Variants in CDK5 observed in about 807,000 individuals in gnomAD.
CDK5 encodes the protein cyclin dependent kinase 5.
In CDK5, 18 loss-of-function variants were observed where a neutral mutation model predicts 44.6. The observed-to-expected ratio is 0.40, with a 90% CI of 0.28 to 0.60. The LOEUF is 0.60. Among genes scored for constraint, CDK5 ranks in the 20% least tolerant of loss-of-function variants. The probability of loss-of-function intolerance (pLI) is 0.38; values close to 1 mark genes in which losing one functional copy is unlikely to be tolerated. For missense variants in CDK5, 198 were observed against 368.1 expected (o/e 0.54, Z 3.78); for synonymous variants, 143 against 152.8 (o/e 0.94, Z 0.47).
At position 151,056,689 on chromosome 7, in the gene CDK5, C is replaced by T; in HGVS notation, c.255+47G>A. On this transcript the variant is annotated intron_variant, in intron 4 of 11. Coordinates refer to ENST00000485972, the MANE Select transcript of CDK5 (RefSeq NM_004935.4). This position sits in a 1 kb window ranked among gnomAD's most constrained non-coding sequence, Gnocchi z 4.7. ...GGACAGAGTTTAACCTCAATCTGGG[C>T]CCCTATACCTTCCCAAGGCTACTGT... is the stretch of plus-strand genomic sequence containing the variant. 7.4e-6 allele frequency: 12 copies of T among 1,611,146 alleles called. No individual in the cohort carries two copies. Among genetic ancestry groups the T allele is most frequent in the Non-Finnish European group, 8.5e-6 (10 of 1,178,366 alleles).
At position 151,057,314 on chromosome 7, in the gene CDK5, G is replaced by A; in HGVS notation, c.38-154C>T. 2.8e-6 allele frequency: 2 copies of A among 708,664 alleles called. No individual in the cohort carries two copies. Among genetic ancestry groups the A allele is most frequent in the Non-Finnish European group, 5.1e-6 (2 of 392,122 alleles). 43.9% of individuals were successfully genotyped at this position (708,664 alleles called of 1,614,324 possible). A position where few individuals can be genotyped will look rare whatever the true frequency, so the allele number is the denominator to read the frequency against. Reference sequence around the variant, plus strand: ...GGTGAGCTTTGTGAGTGAGGATGTGGCAGGTGGGGAGGGAGGAGAAGGTGC... The same window carrying A: ...GGTGAGCTTTGTGAGTGAGGATGTGACAGGTGGGGAGGGAGGAGAAGGTGC... On this transcript the variant is annotated intron_variant, in intron 1 of 11. Coordinates refer to ENST00000485972, the MANE Select transcript of CDK5 (RefSeq NM_004935.4). The surrounding 1 kb of genome is among the most constrained non-coding windows in gnomAD (Gnocchi z 5.2).
Position 151,055,102 on chromosome 7 carries a change from G to A in CDK5, c.581-6C>T. The A allele has an allele frequency of 1.2e-6, 2 of 1,610,274 alleles. No homozygotes were observed. The highest frequency in any genetic ancestry group is 1.7e-6 in the Non-Finnish European group (2 of 1,178,052). Reference sequence around the variant, plus strand: ...CCGCCCAGCATTGGCCAGCTCTGGGGGATAGACAGGGGGCTAAGATGTGAC... The same window carrying A: ...CCGCCCAGCATTGGCCAGCTCTGGGAGATAGACAGGGGGCTAAGATGTGAC... On this transcript the variant is annotated splice_polypyrimidine_tract_variant and splice_region_variant and intron_variant, in intron 8 of 11. Transcript: ENST00000485972.
Position 151,057,599 on chromosome 7 carries a change from G to T in CDK5, c.37+213C>A. ...TCGCGGTTGGGAGGTCGGGTCTACT[G>T]GGAACGCTAAGGTTGGAGTGAGAGC... On this transcript the variant is annotated intron_variant, in intron 1 of 11. Coordinates refer to ENST00000485972, the MANE Select transcript of CDK5 (RefSeq NM_004935.4). The surrounding 1 kb of genome is among the most constrained non-coding windows in gnomAD (Gnocchi z 5.2). 1.5e-6 allele frequency: 1 copy of T among 657,404 alleles called. No individual in the cohort carries two copies. Among genetic ancestry groups the T allele is most frequent in the Non-Finnish European group, 2.7e-6 (1 of 369,508 alleles). The allele number at this position is 657,404 out of a possible 1,614,324, so 40.7% of individuals were successfully genotyped here.
chr7:151,054,141 C>G lies in CDK5; in HGVS notation c.793-46G>C. 6.3e-7 allele frequency: 1 copy of G among 1,587,234 alleles called. No individual in the cohort carries two copies. The highest frequency in any genetic ancestry group is 8.6e-7 in the Non-Finnish European group (1 of 1,165,324). On this transcript the variant is annotated intron_variant, in intron 11 of 11. Coordinates refer to ENST00000485972, the MANE Select transcript of CDK5 (RefSeq NM_004935.4). This position sits in a 1 kb window ranked among gnomAD's most constrained non-coding sequence, Gnocchi z 5.7. ...GTGGCAGGTTCAGGACAGGTCACTG[C>G]CCAGAGCCCTGCCTTCCTGTAGTCC...
rs1796881465 is a variant in CDK5, at chr7:151,055,726, A to T, written c.408+27T>A. 3 of 1,579,156 alleles carry T rather than the reference A, an allele frequency of 1.9e-6. No homozygotes were observed. The East Asian group carries it at 6.8e-5, about 36-fold the overall frequency. ...CCCGTGCCCTGGCCCCAGCCTCTCC[A>T]TTCCCCACCTTCTTCCCAAGAAGTA... On this transcript the variant is annotated intron_variant, in intron 6 of 11. Coordinates refer to ENST00000485972, the MANE Select transcript of CDK5 (RefSeq NM_004935.4).
chr7:151,055,553 G>T lies in CDK5; in HGVS notation c.462C>A (p.Pro154=). 6.2e-7 allele frequency: 1 copy of T among 1,613,770 alleles called. No individual in the cohort carries two copies. Among genetic ancestry groups the T allele is most frequent in the Non-Finnish European group, 8.5e-7 (1 of 1,179,832 alleles). ...TCACCTCAGCTGAGTAACAGCGGAC[G>T]GGAATCCCAAAGGCTCGAGCCAGGC... ...DFGLARAFGI[P]VRCYSAEVVT... The change falls in exon 7 of 12, where the codon CCC becomes CCA. Residue 154 remains proline (P), a synonymous_variant. Transcript: ENST00000485972.
At position 151,057,722 on chromosome 7, in the gene CDK5, G is replaced by A. The variant is rs890536308; in HGVS notation, c.37+90C>T. On this transcript the variant is annotated intron_variant, in intron 1 of 11. Coordinates refer to ENST00000485972, the MANE Select transcript of CDK5 (RefSeq NM_004935.4). This position sits in a 1 kb window ranked among gnomAD's most constrained non-coding sequence, Gnocchi z 5.2. ...CCGCTGCTGAGATCGGAGCCTGTAG[G>A]CATTGCTGACGGTAAGGGAGCCAGG... 2.2e-6 allele frequency: 3 copies of A among 1,372,086 alleles called. No individual in the cohort carries two copies. Among genetic ancestry groups the A allele is most frequent in the South Asian group, 2.5e-5 (2 of 81,412 alleles). 85.0% of individuals were successfully genotyped at this position (1,372,086 alleles called of 1,614,324 possible). A position where few individuals can be genotyped will look rare whatever the true frequency, so the allele number is the denominator to read the frequency against.
intron 5 of CDK5, 133 bp from the exon 6 acceptor site, chr7:151,055,981 C>A: frequency 1.5e-6 from 1 of 665,654 alleles, no homozygotes; most frequent in Non-Finnish European, 2.7e-6. Flanking sequence ...CAGAGTGACA[C>A]CATTCATTCG....
Position 151,053,914 on chromosome 7 carries a change from G to A in CDK5, c.*95C>T, listed in dbSNP as rs1675134703. 9.0e-7 allele frequency: 1 copy of A among 1,107,036 alleles called. No individual in the cohort carries two copies. Among genetic ancestry groups the A allele is most frequent in the East Asian group, 2.6e-5 (1 of 38,770 alleles). 68.6% of individuals were successfully genotyped at this position (1,107,036 alleles called of 1,614,324 possible). ...ACCCCGGCTGGGCCCAGCACTGCTGGAGCACAGCGCACCAGGCACCCCCAC... is the reference window on the plus strand; with the variant it reads ...ACCCCGGCTGGGCCCAGCACTGCTGAAGCACAGCGCACCAGGCACCCCCAC... On this transcript the variant is annotated 3_prime_UTR_variant, in exon 12 of 12. Coordinates refer to ENST00000485972, the MANE Select transcript of CDK5 (RefSeq NM_004935.4).
At position 151,056,074 on chromosome 7, in the gene CDK5, C is replaced by T; in HGVS notation, c.313-226G>A. On this transcript the variant is annotated intron_variant, in intron 5 of 11. Coordinates refer to ENST00000485972, the MANE Select transcript of CDK5 (RefSeq NM_004935.4). The surrounding 1 kb of genome is among the most constrained non-coding windows in gnomAD (Gnocchi z 4.7). ...TGGCTCTGGTCCCCACCTTCCTGGACCATACAGCCTAATGGGCCTTGGCAG... is the reference window on the plus strand; with the variant it reads ...TGGCTCTGGTCCCCACCTTCCTGGATCATACAGCCTAATGGGCCTTGGCAG... 1.7e-6 allele frequency: 1 copy of T among 580,280 alleles called. No individual in the cohort carries two copies. The highest frequency in any genetic ancestry group is 2.1e-5 in the South Asian group (1 of 46,668). The allele number at this position is 580,280 out of a possible 1,614,324, so 35.9% of individuals were successfully genotyped here.
intron 8 of CDK5, 83 bp from the exon 9 acceptor site, chr7:151,055,179 C>G: frequency 8.3e-6 from 13 of 1,560,890 alleles, no homozygotes; most frequent in Non-Finnish European, 1.1e-5. Context: ...AGCTCCAGTC[C>G]CAGGGCCTCC....
chr7:151,055,673 T>A, intron 6 of CDK5, 67 bp from the exon 7 acceptor site: 1 of 1,533,702 alleles, frequency 6.5e-7, no homozygotes, highest in Non-Finnish European at 9.0e-7. Flanking sequence ...ACCAACTCCA[T>A]CCTCCCAGTC....
chr7:151,057,379 G>C lies in CDK5; in HGVS notation c.38-219C>G, dbSNP rs1161391296. ...GGGGCTCGGCAGGAGGGGCGAGTGC[G>C]GTTGCCAGGGCAAGGATGTCTAAAA... On this transcript the variant is annotated intron_variant, in intron 1 of 11. Transcript: ENST00000485972. The surrounding 1 kb of genome is among the most constrained non-coding windows in gnomAD (Gnocchi z 5.2). 2 of 607,072 alleles carry C rather than the reference G, an allele frequency of 3.3e-6. No individual in the cohort carries two copies. Among genetic ancestry groups the C allele is most frequent in the East Asian group, 5.5e-5 (2 of 36,298 alleles). The allele number at this position is 607,072 out of a possible 1,614,324, so 37.6% of individuals were successfully genotyped here. A position where few individuals can be genotyped will look rare whatever the true frequency, so the allele number is the denominator to read the frequency against.
In CDK5 at chr7:151,057,338, G is replaced by T; in HGVS notation, c.38-178C>A. On this transcript the variant is annotated intron_variant, in intron 1 of 11. Transcript: ENST00000485972. The surrounding 1 kb of genome is among the most constrained non-coding windows in gnomAD (Gnocchi z 5.2). The stretch of plus-strand genomic sequence containing the variant: ...GGCAGGTGGGGAGGGAGGAGAAGGT[G>T]CCCACCGAGGCTCCAGGGGCTCGGC... The T allele has an allele frequency of 1.5e-6, 1 of 645,666 alleles. No homozygotes were observed. Among genetic ancestry groups the T allele is most frequent in the Admixed American group, 2.4e-5 (1 of 41,496 alleles). 40.0% of individuals were successfully genotyped at this position (645,666 alleles called of 1,614,324 possible).
intron 6 of CDK5, 25 bp from the exon 7 acceptor site, chr7:151,055,631 G>A (rs768225731): frequency 5.6e-6 from 9 of 1,607,936 alleles, no homozygotes; most frequent in Non-Finnish European, 7.7e-6. Flanking sequence ...AAGGGGACAT[G>A]GAGAAGGGCC....
chr7:151,055,220 C>T (rs1486858331), intron 8 of CDK5, 57 bp downstream of exon 8: 1 of 1,577,598 alleles, frequency 6.3e-7, no homozygotes, highest in Non-Finnish European at 8.7e-7. Flanking sequence ...CCCTCCAGAC[C>T]CTATTTGTCA....
chr7:151,054,943 C>A lies in CDK5; in HGVS notation c.650+84G>T. On this transcript the variant is annotated intron_variant, in intron 9 of 11. Transcript: ENST00000485972. The surrounding 1 kb of genome is among the most constrained non-coding windows in gnomAD (Gnocchi z 5.7). ...ACAGACCCCATCACCCTACCCCACA[C>A]CATCACTGCCCTCACCCATTGTGCT... 7.3e-7 allele frequency: 1 copy of A among 1,366,414 alleles called. No individual in the cohort carries two copies. The highest frequency in any genetic ancestry group is 1.0e-6 in the Non-Finnish European group (1 of 962,974). The allele number at this position is 1,366,414 out of a possible 1,614,324, so 84.6% of individuals were successfully genotyped here.
chr7:151,053,933 C>G lies in CDK5; in HGVS notation c.*76G>C, dbSNP rs554235263. On this transcript the variant is annotated 3_prime_UTR_variant, in exon 12 of 12. Transcript: ENST00000485972. The stretch of plus-strand genomic sequence containing the variant: ...CTGCTGGAGCACAGCGCACCAGGCA[C>G]CCCCACTGTCTCACCCCTCTCAAGA... 9.9e-6 allele frequency: 13 copies of G among 1,307,602 alleles called. No individual in the cohort carries two copies. Among genetic ancestry groups the G allele is most frequent in the Non-Finnish European group, 1.3e-5 (12 of 939,294 alleles). The allele number at this position is 1,307,602 out of a possible 1,614,324, so 81.0% of individuals were successfully genotyped here. A position where few individuals can be genotyped will look rare whatever the true frequency, so the allele number is the denominator to read the frequency against.
chr7:151,055,909 G>A (rs142719014), intron 5 of CDK5, 61 bp from the exon 6 acceptor site: 38 of 1,163,510 alleles, frequency 3.3e-5, no homozygotes, highest in Middle Eastern at 1.9e-4. Flanking sequence ...GCCCAGCAAC[G>A]GGTCGGCTCC....
Sources: allele counts gnomAD v4.1 joint callset, GRCh38; gene constraint gnomAD v4.1.1; non-coding constraint Gnocchi (gnomAD v3.1); transcripts MANE v1.5; gene names NCBI Gene and HGNC (gene_info 2026-07-23, HGNC 2026-07-21).